Variants in KIRREL3 observed in about 807,000 individuals in gnomAD.
The protein encoded by KIRREL3 is kirre like nephrin family adhesion molecule 3.
Under a neutral mutation model 89.7 loss-of-function variants are expected in KIRREL3, and 36 were observed. That is an observed-to-expected ratio of 0.40 (90% CI 0.31 to 0.53). KIRREL3 has a LOEUF of 0.53. Ranked by LOEUF, KIRREL3 falls within the 20% of genes least tolerant of loss-of-function variation. The pLI is 0.49. For missense variants in KIRREL3, 864 were observed against 1,056.6 expected (o/e 0.82, Z 2.53); for synonymous variants, 445 against 441.4 (o/e 1.01, Z -0.10).
rs546946870 is a variant in KIRREL3 at position 126,904,856 on chromosome 11, T to A, written c.55+95599A>T. On this transcript the variant is annotated intron_variant, in intron 1 of 16. Transcript: ENST00000525144. The surrounding 1 kb of genome is among the most constrained non-coding windows in gnomAD (Gnocchi z 4.4). ...CATTAAGATCCCAGAGAAGAGAAAC[T>A]GTAAAAATGTTCTTTGATGGTATCT... Among the ~76,000 whole-genome samples, 16 of 152,332 alleles carry A rather than the reference T, an allele frequency of 1.1e-4. No individual in the cohort carries two copies. The highest frequency in any genetic ancestry group is 8.3e-4 in the South Asian group (4 of 4,832).
In KIRREL3 at chr11:126,878,138, A is replaced by G. The variant is rs148661287; in HGVS notation, c.55+122317T>C. Among the ~76,000 whole-genome samples, 1,275 of 152,334 alleles carry G rather than the reference A, an allele frequency of 8.4e-3. 6 individuals carry two copies. The highest frequency in any genetic ancestry group is 0.048 in the Middle Eastern group (14 of 294). ...GAAGACAGATAAATACTTATTCTCC[A>G]GGTAGTGTCAGCTTTTAGACAAAAT... On this transcript the variant is annotated intron_variant, in intron 1 of 16. Coordinates refer to ENST00000525144, the MANE Select transcript of KIRREL3 (RefSeq NM_032531.4).
At chr11:126,899,670 A>G (rs771147373) in intron 1 of KIRREL3, among the ~76,000 whole-genome samples, 1 of 152,262 alleles carries the variant, frequency 6.6e-6, no homozygotes, top group African/African-American at 2.4e-5. Context: ...GGAAACAGAT[A>G]TAGCAAAAGG....
At chr11:126,534,048 T>C (rs964158977) in intron 2 of KIRREL3, among the ~76,000 whole-genome samples, 4 of 152,044 alleles carry the variant, frequency 2.6e-5, no homozygotes, top group Non-Finnish European at 5.9e-5. Context: ...CAATGACTTA[T>C]TGAAGAGACA....
chr11:126,671,587 A>G (rs1444863184), intron 1 of KIRREL3, among the ~76,000 whole-genome samples: 2 of 152,242 alleles, frequency 1.3e-5, no homozygotes, highest in Admixed American at 1.3e-4. Flanking sequence ...CAACAGTAAG[A>G]AAGCAAATGG....
rs528275083 is a variant in KIRREL3 at position 126,557,711 on chromosome 11, G to A, written c.133+5124C>T. On this transcript the variant is annotated intron_variant, in intron 2 of 16. Coordinates refer to ENST00000525144, the MANE Select transcript of KIRREL3 (RefSeq NM_032531.4). This position sits in a 1 kb window ranked among gnomAD's most constrained non-coding sequence, Gnocchi z 5.6. Reference sequence around the variant, plus strand: ...CATCATAAAGAACTTTAGAGCTGTCGAAGAAATGAGATTCTCAACCTCCCA... The same window carrying A: ...CATCATAAAGAACTTTAGAGCTGTCAAAGAAATGAGATTCTCAACCTCCCA... Among the ~76,000 whole-genome samples the A allele has an allele frequency of 7.2e-5, 11 of 152,252 alleles. No homozygotes were observed. The South Asian group carries it at 1.9e-3, about 26-fold the overall frequency.
At chr11:126,671,934 G>A (rs889629963) in intron 1 of KIRREL3, among the ~76,000 whole-genome samples, 1 of 152,126 alleles carries the variant, frequency 6.6e-6, no homozygotes, top group African/African-American at 2.4e-5. Flanking sequence ...TATTTACCCA[G>A]CTGATTTGAA....
chr11:126,855,779 A>C (rs1944485698), intron 1 of KIRREL3, among the ~76,000 whole-genome samples: 1 of 152,154 alleles, frequency 6.6e-6, no homozygotes, highest in African/African-American at 2.4e-5. Flanking sequence ...TGACATGACC[A>C]ACCTATGACT....
chr11:126,863,356 AGTGTGTGTTTGAGTGCGT>A (rs796959694), intron 1 of KIRREL3, among the ~76,000 whole-genome samples: 1 of 104,686 alleles, frequency 9.6e-6, no homozygotes, highest in Non-Finnish European at 2.3e-5. Flanking sequence ...GGTGCATGTG[AGTGTGTGTTTGAGTGCGT>A]GTGTGTGTTT....
At chr11:126,721,974 G>C (rs7946234) in intron 1 of KIRREL3, among the ~76,000 whole-genome samples, 11,517 of 152,192 alleles carry the variant, frequency 0.076, 673 homozygotes, top group African/African-American at 0.16. Context: ...AGAAGCGAAG[G>C]GTTCCCATGG....
rs1946223603 is a variant in KIRREL3 at position 126,677,025 on chromosome 11, T to C, written c.56-114113A>G. Among the ~76,000 whole-genome samples the C allele has an allele frequency of 6.6e-6, 1 of 152,064 alleles. No homozygotes were observed. The highest frequency in any genetic ancestry group is 1.5e-5 in the Non-Finnish European group (1 of 68,034). On this transcript the variant is annotated intron_variant, in intron 1 of 16. Transcript: ENST00000525144. This position sits in a 1 kb window ranked among gnomAD's most constrained non-coding sequence, Gnocchi z 5.1. ...CTGATCTTGAACTCCTGGGCTCAAG[T>C]GATCCTCCCGCCTTGGCCTCTCAAA...
chr11:126,593,526 A>C (rs985985968), intron 1 of KIRREL3, among the ~76,000 whole-genome samples: 9 of 152,144 alleles, frequency 5.9e-5, no homozygotes, highest in Non-Finnish European at 1.3e-4. Context: ...ACAGGTGGGC[A>C]ATGAACACCC....
chr11:126,802,349 A>G lies in KIRREL3; in HGVS notation c.55+198106T>C, dbSNP rs1033906662. ...GGCGTTAGTGCCAGGCGGCCCGTGG[A>G]GAAAAGCTTTCGCTATACTGAAGGT... On this transcript the variant is annotated intron_variant, in intron 1 of 16. Transcript: ENST00000525144. The surrounding 1 kb of genome is among the most constrained non-coding windows in gnomAD (Gnocchi z 5.2). Among the ~76,000 whole-genome samples the G allele has an allele frequency of 2.6e-5, 4 of 152,196 alleles. No individual in the cohort carries two copies. Among genetic ancestry groups the G allele is most frequent in the Non-Finnish European group, 5.9e-5 (4 of 68,044 alleles).
intron 1 of KIRREL3, among the ~76,000 whole-genome samples, chr11:126,586,013 G>A (rs1941832758): frequency 6.6e-6 from 1 of 152,124 alleles, no homozygotes; most frequent in Admixed American, 6.5e-5. Flanking sequence ...AATTCCCTCA[G>A]CAGCTTGGAA....
chr11:126,624,227 A>G lies in KIRREL3; in HGVS notation c.56-61315T>C, dbSNP rs1943689115. On this transcript the variant is annotated intron_variant, in intron 1 of 16. Coordinates refer to ENST00000525144, the MANE Select transcript of KIRREL3 (RefSeq NM_032531.4). The surrounding 1 kb of genome is among the most constrained non-coding windows in gnomAD (Gnocchi z 6.0). ...GGCGGTGTGGCGGGGAGGAGGCCAG[A>G]ATGAAAGATAGGAGGATCAGAGAAT... 6.6e-6 allele frequency among the ~76,000 whole-genome samples: 1 copy of G among 152,140 alleles called. No homozygotes were observed. Among genetic ancestry groups the G allele is most frequent in the African/African-American group, 2.4e-5 (1 of 41,432 alleles).
chr11:126,473,088 A>AC (rs56718741), intron 5 of KIRREL3, among the ~76,000 whole-genome samples: 11 of 4,144 alleles, frequency 2.7e-3, no homozygotes, highest in East Asian at 0.053. Context: ...TCTCTACCTA[A>AC]CCCCCCAGCC....
chr11:126,992,845 T>C (rs1335118763), intron 1 of KIRREL3, among the ~76,000 whole-genome samples: 1 of 152,322 alleles, frequency 6.6e-6, no homozygotes, highest in Admixed American at 6.5e-5. Flanking sequence ...CAATGCACTC[T>C]TTCTGCTCAA....
intron 1 of KIRREL3, among the ~76,000 whole-genome samples, chr11:126,986,154 C>T (rs146034633): frequency 7.4e-4 from 112 of 152,270 alleles, no homozygotes; most frequent in African/African-American, 2.6e-3. Flanking sequence ...GCTGGCTCCC[C>T]CCAAGCCCCT....
intron 16 of KIRREL3, 138 bp downstream of exon 16, chr11:126,425,500 G>T: frequency 1.4e-6 from 1 of 727,360 alleles, no homozygotes; most frequent in South Asian, 1.8e-5. Flanking sequence ...AGGCAGGGAC[G>T]GGCACCTGCC....
chr11:126,465,690 G>A (rs1591585766), intron 5 of KIRREL3, among the ~76,000 whole-genome samples: 2 of 152,176 alleles, frequency 1.3e-5, no homozygotes, highest in South Asian at 4.1e-4. Context: ...TGCCAGCCAC[G>A]GCCCTGGGCA....
Sources: allele counts gnomAD v4.1 joint callset (sites outside exome capture counted in the v4.1 genomes callset), GRCh38; gene constraint gnomAD v4.1.1; non-coding constraint Gnocchi (gnomAD v3.1); transcripts MANE v1.5; gene names NCBI Gene and HGNC (gene_info 2026-07-23, HGNC 2026-07-21).